The following LARP4B variants were observed in gnomAD, a reference collection of about 807,000 sequenced individuals.
LARP4B encodes La ribonucleoprotein 4B, also known as la-related protein 4B.
Under a neutral mutation model 89.8 loss-of-function variants are expected in LARP4B, and 12 were observed. The observed-to-expected ratio is 0.13, with a 90% CI of 0.09 to 0.22. The LOEUF (loss-of-function observed/expected upper bound fraction) is 0.22, where lower values mean the gene tolerates loss of function less well. Ranked by LOEUF, LARP4B falls within the 10% of genes least tolerant of loss-of-function variation. The probability of loss-of-function intolerance (pLI) is 1.00; values close to 1 mark genes in which losing one functional copy is unlikely to be tolerated. For synonymous variants in LARP4B, 367 were observed against 363.3 expected (o/e 1.01, Z -0.12); for missense variants, 757 against 947.7 (o/e 0.80, Z 2.64).
intron 3 of LARP4B, among the ~76,000 whole-genome samples, chr10:867,216 G>A (rs1438723282): frequency 6.6e-6 from 1 of 152,150 alleles, no homozygotes; most frequent in Non-Finnish European, 1.5e-5. Context: ...GAATGAAGAT[G>A]TCTTTTAAGG....
chr10:821,347 C>T (rs1298280730), intron 13 of LARP4B, among the ~76,000 whole-genome samples: 5 of 152,348 alleles, frequency 3.3e-5, no homozygotes, highest in Non-Finnish European at 5.9e-5. Context: ...CCCCTTCCCA[C>T]GAAAACCACA....
intron 1 of LARP4B, among the ~76,000 whole-genome samples, chr10:904,417 G>A (rs1836431338): frequency 6.6e-6 from 1 of 151,252 alleles, no homozygotes; most frequent in Admixed American, 6.6e-5. Flanking sequence ...AGTCAAGTGT[G>A]GTGACATGTG....
At chr10:981,517 A>G in the LARP4B span, among the ~76,000 whole-genome samples, 135 of 152,348 alleles carry the variant, frequency 8.9e-4, no homozygotes, top group Middle Eastern at 0.014. Flanking sequence ...AGTAATATTT[A>G]GATAACTTTA....
intron 2 of LARP4B, 59 bp from the exon 3 acceptor site, chr10:884,565 T>G: frequency 6.8e-6 from 8 of 1,176,952 alleles, no homozygotes; most frequent in Non-Finnish European, 1.0e-5. Flanking sequence ...ACAACATATT[T>G]TCAAACCACA....
the LARP4B span, among the ~76,000 whole-genome samples, chr10:963,946 T>G: frequency 1.3e-5 from 2 of 152,298 alleles, no homozygotes; most frequent in African/African-American, 4.8e-5. Context: ...CATGTATTTT[T>G]GGGGGACACA....
the LARP4B span, among the ~76,000 whole-genome samples, chr10:973,918 C>G: frequency 6.6e-6 from 1 of 152,120 alleles, no homozygotes; most frequent in African/African-American, 2.4e-5. Flanking sequence ...CAGAGTATTT[C>G]CAGTCCCCTA....
At chr10:832,985 T>C (rs1340908099) in intron 8 of LARP4B, among the ~76,000 whole-genome samples, 2 of 152,162 alleles carry the variant, frequency 1.3e-5, no homozygotes, top group African/African-American at 2.4e-5. Flanking sequence ...GGCTTATGAC[T>C]GTGTAGAATT....
intron 1 of LARP4B, among the ~76,000 whole-genome samples, chr10:899,695 C>T (rs1265385898): frequency 2.0e-5 from 3 of 152,132 alleles, no homozygotes. Flanking sequence ...AGGGATGACG[C>T]ATGAACAGAG....
upstream of LARP4B, among the ~76,000 whole-genome samples, chr10:932,241 G>T (rs1238085904): frequency 1.3e-5 from 1 of 78,694 alleles, no homozygotes; most frequent in African/African-American, 5.1e-5. Context: ...CCCAGGACAC[G>T]CCCTGGCCCT....
the LARP4B span, among the ~76,000 whole-genome samples, chr10:958,225 C>G: frequency 6.6e-6 from 1 of 152,192 alleles, no homozygotes; most frequent in African/African-American, 2.4e-5. Context: ...GAGAGCTGAC[C>G]TGTCTTGCTG....
intron 13 of LARP4B, among the ~76,000 whole-genome samples, chr10:823,094 G>A (rs1832440389): frequency 6.6e-6 from 1 of 152,224 alleles, no homozygotes; most frequent in Non-Finnish European, 1.5e-5. Flanking sequence ...GAGGGAAGGA[G>A]GAGGTTACGA....
chr10:909,091 A>T (rs7070876), intron 1 of LARP4B, among the ~76,000 whole-genome samples: 25 of 151,838 alleles, frequency 1.6e-4, no homozygotes, highest in African/African-American at 4.6e-4. Flanking sequence ...TCAGGAGATC[A>T]AGATCATCCT....
the LARP4B span, among the ~76,000 whole-genome samples, chr10:974,747 C>G: frequency 2.6e-5 from 4 of 152,214 alleles, no homozygotes; most frequent in African/African-American, 7.2e-5. Flanking sequence ...TTACCTCAAC[C>G]GTGAAACACC....
At chr10:918,233 C>T (rs1836879744) in intron 1 of LARP4B, among the ~76,000 whole-genome samples, 2 of 152,142 alleles carry the variant, frequency 1.3e-5, no homozygotes, top group Non-Finnish European at 2.9e-5. Flanking sequence ...TTGTAACTGC[C>T]GCTGAGCAAC....
chr10:928,968 G>A (rs776220468), intron 1 of LARP4B, among the ~76,000 whole-genome samples: 2 of 152,100 alleles, frequency 1.3e-5, no homozygotes, highest in South Asian at 2.1e-4. Flanking sequence ...GCTTACTTAT[G>A]GAAATTGCAT....
the LARP4B span, among the ~76,000 whole-genome samples, chr10:967,714 C>G: frequency 6.6e-6 from 1 of 152,140 alleles, no homozygotes. Flanking sequence ...GGAGGAATGC[C>G]GGGAATTCCG....
At chr10:831,612 T>C (rs963626424) in intron 8 of LARP4B, among the ~76,000 whole-genome samples, 21 of 152,172 alleles carry the variant, frequency 1.4e-4, no homozygotes, top group African/African-American at 5.1e-4. Context: ...AAGAGAGGAA[T>C]GGTTTGTTTT....
chr10:835,570 G>A (rs1467987845), intron 8 of LARP4B, among the ~76,000 whole-genome samples: 1 of 152,216 alleles, frequency 6.6e-6, no homozygotes, highest in Admixed American at 6.5e-5. Flanking sequence ...GACCATCAGT[G>A]TGTTTACTAC....
chr10:913,714 G>A, intron 1 of LARP4B, among the ~76,000 whole-genome samples: 1 of 152,182 alleles, frequency 6.6e-6, no homozygotes, highest in East Asian at 1.9e-4. Context: ...TTCGAGACCA[G>A]CCAGGCCAAT....
Sources: allele counts gnomAD v4.1 joint callset (sites outside exome capture counted in the v4.1 genomes callset), GRCh38; gene constraint gnomAD v4.1.1; transcripts MANE v1.5; gene names NCBI Gene and HGNC (gene_info 2026-07-23, HGNC 2026-07-21).